KCNMA1: variants seen among roughly 807,000 people sequenced by gnomAD.
KCNMA1 encodes the protein potassium calcium-activated channel subfamily M alpha 1.
A neutral mutation model predicts 140.0 loss-of-function variants in KCNMA1; 29 were observed. The observed-to-expected ratio is 0.21, with a 90% CI of 0.15 to 0.28. The LOEUF (loss-of-function observed/expected upper bound fraction) is 0.28. KCNMA1 is among the 10% of genes least tolerant of loss of function. The probability of loss-of-function intolerance (pLI) is 1.00; values close to 1 mark genes in which losing one functional copy is unlikely to be tolerated. For synonymous variants in KCNMA1, 612 were observed against 611.9 expected, an observed-to-expected ratio of 1.00 and a Z score of 0.00; for missense variants, 880 against 1,602.2, an observed-to-expected ratio of 0.55 and a Z score of 7.70.
At chr10:76,912,235 A>T (rs1312982649) in intron 24 of KCNMA1, 2 of 152,232 alleles carry the variant, frequency 1.3e-5, no homozygotes, top group East Asian at 3.9e-4. Context: ...TACAATTGGA[A>T]TAGTCAGGTG....
At chr10:76,919,462 C>A (rs984057198) in intron 23 of KCNMA1, among the ~76,000 whole-genome samples, 2 of 152,134 alleles carry the variant, frequency 1.3e-5, no homozygotes, top group Non-Finnish European at 2.9e-5. Context: ...AGTGCTTGAC[C>A]AACTTTATCC....
intron 4 of KCNMA1, 110 bp downstream of exon 4, chr10:77,184,713 G>C: frequency 1.3e-6 from 1 of 792,180 alleles, no homozygotes; most frequent in Non-Finnish European, 2.3e-6. Flanking sequence ...CGGGTGCGCT[G>C]TTTCTCCTGG....
At chr10:77,254,176 C>T (rs1333370389) in intron 2 of KCNMA1, among the ~76,000 whole-genome samples, 1 of 151,424 alleles carries the variant, frequency 6.6e-6, no homozygotes, top group Non-Finnish European at 1.5e-5. Context: ...TACATAAGGC[C>T]CAAGAAAAAC....
chr10:77,399,885 A>G (rs1469045660), intron 2 of KCNMA1, among the ~76,000 whole-genome samples: 3 of 152,194 alleles, frequency 2.0e-5, no homozygotes, highest in African/African-American at 4.8e-5. Flanking sequence ...TCCTACAGAT[A>G]TTCTGAGGTT....
At chr10:77,211,404 G>C (rs149013975) in intron 3 of KCNMA1, among the ~76,000 whole-genome samples, 3 of 152,130 alleles carry the variant, frequency 2.0e-5, no homozygotes, top group African/African-American at 7.2e-5. Flanking sequence ...CTAACCATAC[G>C]TAGAAGAATG....
At chr10:77,128,492 CTT>C (rs2097788606) in intron 5 of KCNMA1, among the ~76,000 whole-genome samples, 1 of 147,710 alleles carries the variant, frequency 6.8e-6, no homozygotes, top group Admixed American at 6.9e-5. Context: ...ACCTGGGAAA[CTT>C]TTAGAATTGT....
chr10:77,636,173 A>C, intron 1 of KCNMA1: 2 of 1,415,346 alleles, frequency 1.4e-6, no homozygotes, highest in Non-Finnish European at 1.8e-6. Flanking sequence ...GGAATTACTC[A>C]GAAAGAAGGC....
At chr10:77,556,375 T>C (rs11819489) in intron 1 of KCNMA1, among the ~76,000 whole-genome samples, 28,048 of 151,360 alleles carry the variant, frequency 0.19, 2,823 homozygotes, top group African/African-American at 0.27. Flanking sequence ...CATAGTAGCA[T>C]GTGCCTGTAA....
At chr10:77,347,498 T>A (rs185465205) in intron 2 of KCNMA1, among the ~76,000 whole-genome samples, 1 of 152,264 alleles carries the variant, frequency 6.6e-6, no homozygotes, top group East Asian at 1.9e-4. Context: ...TGAGGCTGGT[T>A]GACAAGAAGC....
At chr10:77,336,947 T>G (rs1266335574) in intron 2 of KCNMA1, among the ~76,000 whole-genome samples, 1 of 152,198 alleles carries the variant, frequency 6.6e-6, no homozygotes, top group East Asian at 1.9e-4. Context: ...CCGCTGTGGG[T>G]AGAGCCTGTG....
At chr10:77,001,288 T>G (rs1593240835) in intron 19 of KCNMA1, 119 bp downstream of exon 19, 1 of 904,376 alleles carries the variant, frequency 1.1e-6, no homozygotes, top group Non-Finnish European at 1.8e-6. Flanking sequence ...CACACAGGAG[T>G]TCACACTGGG....
intron 16 of KCNMA1, among the ~76,000 whole-genome samples, chr10:77,025,272 A>T (rs1243628004): frequency 7.5e-6 from 1 of 133,292 alleles, no homozygotes; most frequent in African/African-American, 2.7e-5. Flanking sequence ...ATATATATAT[A>T]TATATATATA....
intron 1 of KCNMA1, among the ~76,000 whole-genome samples, chr10:77,558,123 G>A (rs565425903): frequency 2.5e-4 from 38 of 152,212 alleles, no homozygotes; most frequent in African/African-American, 8.7e-4. Flanking sequence ...CAACAAACCT[G>A]TGACATTTCT....
At chr10:76,975,601 G>C (rs1019524719) in intron 19 of KCNMA1, among the ~76,000 whole-genome samples, 3 of 152,212 alleles carry the variant, frequency 2.0e-5, no homozygotes, top group African/African-American at 7.2e-5. Flanking sequence ...AGCACAGCTA[G>C]GATCAGGCAA....
chr10:77,034,087 C>CA (rs1271793355), intron 15 of KCNMA1, among the ~76,000 whole-genome samples: 1 of 151,812 alleles, frequency 6.6e-6, no homozygotes, highest in Non-Finnish European at 1.5e-5. Context: ...ACTAAAAATA[C>CA]AAAAAAATTA....
At chr10:77,542,033 T>G (rs1326402609) in intron 1 of KCNMA1, among the ~76,000 whole-genome samples, 3 of 152,198 alleles carry the variant, frequency 2.0e-5, no homozygotes, top group Non-Finnish European at 4.4e-5. Context: ...AAAATTTATA[T>G]GTAGCAATTT....
intron 1 of KCNMA1, among the ~76,000 whole-genome samples, chr10:77,546,533 C>T (rs1178887451): frequency 1.3e-5 from 2 of 152,252 alleles, no homozygotes; most frequent in South Asian, 2.1e-4. Context: ...TATCCATGTC[C>T]CAGGCCACTG....
chr10:77,105,093 C>G (rs1299130402), intron 9 of KCNMA1, among the ~76,000 whole-genome samples: 4 of 152,186 alleles, frequency 2.6e-5, no homozygotes, highest in Admixed American at 2.6e-4. Flanking sequence ...GACACCCAAA[C>G]CCCTATTCTT....
intron 19 of KCNMA1, among the ~76,000 whole-genome samples, chr10:76,976,223 G>A (rs2077471598): frequency 6.6e-6 from 1 of 152,202 alleles, no homozygotes; most frequent in African/African-American, 2.4e-5. Context: ...GCCAGGGCAG[G>A]GAAGGGAGGC....
Sources: gnomAD v4.1 joint callset for allele counts (sites outside exome capture counted in the v4.1 genomes callset) on GRCh38, gnomAD v4.1.1 for gene constraint, MANE v1.5 for transcripts, NCBI Gene and HGNC (gene_info 2026-07-23, HGNC 2026-07-21) for gene names.